Variants in KIAA1958 observed in about 807,000 individuals in gnomAD.
The protein encoded by KIAA1958 is uncharacterized protein KIAA1958.
In KIAA1958, 14 loss-of-function variants were observed where a neutral mutation model predicts 47.2. The ratio of observed to expected loss-of-function variants is 0.30; its 90% CI spans 0.20 to 0.46. KIAA1958 has a LOEUF of 0.46. Among genes scored for constraint, KIAA1958 ranks in the 20% least tolerant of loss-of-function variants. The probability of loss-of-function intolerance (pLI) is 1.00; values close to 1 mark genes in which losing one functional copy is unlikely to be tolerated. For synonymous variants in KIAA1958, 354 were observed against 353.3 expected (o/e 1.00, Z -0.02); for missense variants, 803 against 909.2 (o/e 0.88, Z 1.50).
chr9:112,530,437 A>ATAATT (rs1180958893), intron 1 of KIAA1958, among the ~76,000 whole-genome samples: 2 of 152,300 alleles, frequency 1.3e-5, no homozygotes, highest in African/African-American at 4.8e-5. Flanking sequence ...GAAAATATAA[A>ATAATT]TAATTTTGCC....
intron 1 of KIAA1958, among the ~76,000 whole-genome samples, chr9:112,522,255 G>A (rs113738561): frequency 6.6e-6 from 1 of 152,218 alleles, no homozygotes; most frequent in East Asian, 1.9e-4. Context: ...ATAGGCGTGA[G>A]CCACCGTGCC....
At chr9:112,616,852 A>G (rs2131215509) in intron 2 of KIAA1958, among the ~76,000 whole-genome samples, 1 of 152,348 alleles carries the variant, frequency 6.6e-6, no homozygotes, top group South Asian at 2.1e-4. Flanking sequence ...ATAGAGTAAG[A>G]TTTCCTGCCT....
intron 3 of KIAA1958, among the ~76,000 whole-genome samples, chr9:112,652,906 A>G (rs937482016): frequency 6.6e-6 from 1 of 152,182 alleles, no homozygotes; most frequent in African/African-American, 2.4e-5. Context: ...GGCATGAGCC[A>G]CTGTGCCCCG....
chr9:112,550,020 A>G (rs1835114329), intron 1 of KIAA1958, among the ~76,000 whole-genome samples: 1 of 152,224 alleles, frequency 6.6e-6, no homozygotes, highest in Non-Finnish European at 1.5e-5. Context: ...GAGTTGAGTT[A>G]CCATGATTTG....
intron 2 of KIAA1958, among the ~76,000 whole-genome samples, chr9:112,591,274 C>T (rs1305385521): frequency 4.6e-5 from 7 of 151,880 alleles, no homozygotes; most frequent in African/African-American, 9.7e-5. Context: ...TTAGTAGAGA[C>T]GGAGTTTCAC....
rs534461946 is a variant in KIAA1958, at chr9:112,630,286, G to T, written c.1172-15364G>T. 9.1e-4 allele frequency among the ~76,000 whole-genome samples: 139 copies of T among 152,310 alleles called. No homozygotes were observed. In the Middle Eastern group the frequency reaches 0.014, roughly 15 times the overall value. On this transcript the variant is annotated intron_variant, in intron 2 of 3. Transcript: ENST00000337530. ...CTCACTTGTTTTTGTGTGGAGCTCT[G>T]TTGGCCATTTTTCTTTACCTCCAGT...
chr9:112,636,119 T>C (rs966049692), intron 2 of KIAA1958, among the ~76,000 whole-genome samples: 2 of 148,222 alleles, frequency 1.3e-5, no homozygotes, highest in Non-Finnish European at 1.5e-5. Context: ...TATATATATA[T>C]ACTATACATA....
intron 3 of KIAA1958, among the ~76,000 whole-genome samples, chr9:112,657,536 A>G (rs1837170342): frequency 6.6e-6 from 1 of 152,182 alleles, no homozygotes; most frequent in Non-Finnish European, 1.5e-5. Flanking sequence ...TATCTCATAC[A>G]TTTTGATATA....
At chr9:112,591,959 T>A (rs1835930720) in intron 2 of KIAA1958, among the ~76,000 whole-genome samples, 3 of 152,064 alleles carry the variant, frequency 2.0e-5, no homozygotes. Context: ...GGGAAAGGGG[T>A]TCTTATCCCT....
chr9:112,610,532 A>T (rs1410719197), intron 2 of KIAA1958, among the ~76,000 whole-genome samples: 1 of 152,156 alleles, frequency 6.6e-6, no homozygotes, highest in Non-Finnish European at 1.5e-5. Context: ...GGCCCCCCAA[A>T]AATTGAAATT....
intron 2 of KIAA1958, among the ~76,000 whole-genome samples, chr9:112,611,831 GAC>G (rs764217811): frequency 1.3e-5 from 2 of 151,892 alleles, no homozygotes; most frequent in East Asian, 1.9e-4. Flanking sequence ...CAATTATTAA[GAC>G]AAATTTTTAT....
At chr9:112,579,972 C>T (rs1835709981) in intron 2 of KIAA1958, among the ~76,000 whole-genome samples, 1 of 152,200 alleles carries the variant, frequency 6.6e-6, no homozygotes, top group African/African-American at 2.4e-5. Flanking sequence ...CCTTGCCTTC[C>T]TCCCTATTAG....
chr9:112,536,230 A>AT lies in KIAA1958; in HGVS notation c.-24-37820dup, dbSNP rs936708452. Among the ~76,000 whole-genome samples, 46 of 152,306 alleles carry AT rather than the reference A, an allele frequency of 3.0e-4. 2 individuals carry two copies. The highest frequency in any genetic ancestry group is 2.8e-3 in the Admixed American group (43 of 15,298). On this transcript the variant is annotated intron_variant, in intron 1 of 3. Transcript: ENST00000337530. ...ATCTTTGGATAAGCTTAGTCTCAAT[A>AT]TTTTTTTATTTTTAGAAACAGTACA...
intron 2 of KIAA1958, among the ~76,000 whole-genome samples, chr9:112,604,683 C>T (rs947945683): frequency 1.3e-5 from 2 of 152,094 alleles, no homozygotes; most frequent in African/African-American, 2.4e-5. Context: ...AGAGGAAAGA[C>T]ATTTTTAATA....
At chr9:112,548,266 G>A (rs1835077777) in intron 1 of KIAA1958, among the ~76,000 whole-genome samples, 1 of 152,130 alleles carries the variant, frequency 6.6e-6, no homozygotes, top group Non-Finnish European at 1.5e-5. Flanking sequence ...AAGTGTTACA[G>A]GTGTTAGCCA....
chr9:112,576,936 G>C (rs953284959), intron 2 of KIAA1958, among the ~76,000 whole-genome samples: 1 of 152,066 alleles, frequency 6.6e-6, no homozygotes, highest in Admixed American at 6.6e-5. Context: ...TTCCCAAGCA[G>C]CTCCATCATT....
intron 2 of KIAA1958, among the ~76,000 whole-genome samples, chr9:112,589,981 A>C (rs1196768351): frequency 6.6e-6 from 1 of 152,146 alleles, no homozygotes; most frequent in Non-Finnish European, 1.5e-5. Flanking sequence ...ACCCTCTCTT[A>C]CCAGTTGTCC....
At chr9:112,654,515 A>C (rs549598484) in intron 3 of KIAA1958, among the ~76,000 whole-genome samples, 1 of 152,276 alleles carries the variant, frequency 6.6e-6, no homozygotes, top group African/African-American at 2.4e-5. Context: ...AGCACTCCGC[A>C]CAAAGAAGCA....
chr9:112,573,805 G>C (rs1835581707), intron 1 of KIAA1958, among the ~76,000 whole-genome samples: 1 of 151,948 alleles, frequency 6.6e-6, no homozygotes, highest in Non-Finnish European at 1.5e-5. Flanking sequence ...CCTTAGGCAG[G>C]AATTATTATA....
Sources: allele counts gnomAD v4.1 joint callset (sites outside exome capture counted in the v4.1 genomes callset), GRCh38; gene constraint gnomAD v4.1.1; transcripts MANE v1.5; gene names NCBI Gene and HGNC (gene_info 2026-07-23, HGNC 2026-07-21).